GPBP1: variants seen among roughly 807,000 people sequenced by gnomAD.
The protein encoded by GPBP1 is vasculin.
A neutral mutation model predicts 56.5 loss-of-function variants in GPBP1; 13 were observed. The observed-to-expected ratio is 0.23, with a 90% CI of 0.15 to 0.37. The LOEUF is 0.37. GPBP1 is among the 10% of genes least tolerant of loss of function. GPBP1 has a pLI of 1.00. For missense variants in GPBP1, 477 were observed against 572.3 expected (o/e 0.83, Z 1.70); for synonymous variants, 204 against 188.9 (o/e 1.08, Z -0.66).
At chr5:57,190,694 C>CTTTTTTTTTT (rs773540051) in intron 2 of GPBP1, among the ~76,000 whole-genome samples, 1 of 68,852 alleles carries the variant, frequency 1.5e-5, no homozygotes, top group Admixed American at 1.8e-4. Flanking sequence ...TTGCTGTTAG[C>CTTTTTTTTTT]TTTTTTTTTT....
chr5:57,225,508 A>AAACAAAAAAAAAAAAAAAAAAAAAAAAC (rs1554069043), intron 3 of GPBP1, among the ~76,000 whole-genome samples: 1 of 123,630 alleles, frequency 8.1e-6, no homozygotes, highest in Non-Finnish European at 1.7e-5. Context: ...AAAAAAAAAA[A>AAACAAAAAAAAAAAAAAAAAAAAAAAAC]AAACAAACTG....
intron 2 of GPBP1, among the ~76,000 whole-genome samples, chr5:57,181,311 G>C (rs947064993): frequency 2.0e-5 from 3 of 152,050 alleles, no homozygotes; most frequent in Non-Finnish European, 2.9e-5. Flanking sequence ...CTCCAGCCTG[G>C]GTTGCAGAGT....
Position 57,244,981 on chromosome 5 carries a change from C to T in GPBP1, c.479-1319C>T, listed in dbSNP as rs573273832. ...TTGAGCTCCGGACCTCATGGTCTGCCCGCCTCATCTCCCAAAGTGCAGGGA... is the reference window on the plus strand; with the variant it reads ...TTGAGCTCCGGACCTCATGGTCTGCTCGCCTCATCTCCCAAAGTGCAGGGA... On this transcript the variant is annotated intron_variant, in intron 6 of 11. Coordinates refer to ENST00000506184, the MANE Select transcript of GPBP1 (RefSeq NM_022913.4). Among the ~76,000 whole-genome samples, 483 of 152,212 alleles carry T rather than the reference C, an allele frequency of 3.2e-3. 1 individual carries two copies. Among genetic ancestry groups the T allele is most frequent in the Non-Finnish European group, 3.8e-3 (258 of 68,010 alleles).
At chr5:57,197,360 C>CTT (rs34110209) in intron 2 of GPBP1, among the ~76,000 whole-genome samples, 6,025 of 119,764 alleles carry the variant, frequency 0.05, 609 homozygotes, top group African/African-American at 0.16. Context: ...TATCATTTTG[C>CTT]TTTTTTTTTT....
intron 2 of GPBP1, among the ~76,000 whole-genome samples, chr5:57,187,003 AGTGTGTGTGTGTGTGT>A (rs66642664): frequency 4.1e-5 from 6 of 146,674 alleles, no homozygotes; most frequent in Non-Finnish European, 7.6e-5. Context: ...GACTCAGAGA[AGTGTGTGTGTGTGTGT>A]GTGTGTGTGT....
At chr5:57,237,224 T>A in intron 6 of GPBP1, 1 of 1,168,588 alleles carries the variant, frequency 8.6e-7, no homozygotes, top group South Asian at 1.3e-5. Flanking sequence ...TGCATAAGAA[T>A]ATAGAACCAC....
At position 57,263,588 on chromosome 5, in the gene GPBP1, T is replaced by C. The variant is rs1043772794; in HGVS notation, c.*836T>C. ...GAAAATAAACTGGATTTTCAGAATA[T>C]TGTTGTTTTCTGTAGTGTTCAAGGT... is the stretch of plus-strand genomic sequence containing the variant. On this transcript the variant is annotated 3_prime_UTR_variant, in exon 12 of 12. Transcript: ENST00000506184. 4.7e-4 allele frequency: 72 copies of C among 152,154 alleles called. No individual in the cohort carries two copies. Among genetic ancestry groups the C allele is most frequent in the African/African-American group, 1.7e-3 (72 of 41,424 alleles). The allele number at this position is 152,154 out of a possible 1,614,324, so 9.4% of individuals were successfully genotyped here. A position where few individuals can be genotyped will look rare whatever the true frequency, so the allele number is the denominator to read the frequency against.
intron 2 of GPBP1, among the ~76,000 whole-genome samples, chr5:57,196,125 T>C (rs1754739451): frequency 6.6e-6 from 1 of 152,002 alleles, no homozygotes; most frequent in Admixed American, 6.6e-5. Context: ...TTTCTATCTC[T>C]GCCTACCTAC....
chr5:57,184,612 T>C (rs1426183128), intron 2 of GPBP1, among the ~76,000 whole-genome samples: 1 of 152,182 alleles, frequency 6.6e-6, no homozygotes, highest in Non-Finnish European at 1.5e-5. Context: ...CACCTGGCAC[T>C]AGGTGCCGCC....
At chr5:57,256,691 A>G (rs539401886) in intron 10 of GPBP1, among the ~76,000 whole-genome samples, 3 of 152,336 alleles carry the variant, frequency 2.0e-5, no homozygotes, top group South Asian at 2.1e-4. Flanking sequence ...GGATAGTTTT[A>G]TAGAAATGTT....
At chr5:57,207,857 T>G (rs1301984162) in intron 2 of GPBP1, among the ~76,000 whole-genome samples, 1 of 152,166 alleles carries the variant, frequency 6.6e-6, no homozygotes, top group East Asian at 1.9e-4. Context: ...GCCAGCCTGC[T>G]TTCTGTCAGT....
intron 2 of GPBP1, among the ~76,000 whole-genome samples, chr5:57,185,079 G>A (rs753310149): frequency 6.6e-6 from 1 of 152,122 alleles, no homozygotes; most frequent in African/African-American, 2.4e-5. Flanking sequence ...CAAATAAAGT[G>A]AATAGGAACA....
At chr5:57,192,271 ATTAAGTACTTCCTG>A (rs1352209273) in intron 2 of GPBP1, among the ~76,000 whole-genome samples, 2 of 152,148 alleles carry the variant, frequency 1.3e-5, no homozygotes, top group East Asian at 3.9e-4. Flanking sequence ...TCACATTTCT[ATTAAGTACTTCCTG>A]TTAAGTACTT....
chr5:57,179,432 C>T (rs1419802244), intron 2 of GPBP1, among the ~76,000 whole-genome samples: 1 of 152,132 alleles, frequency 6.6e-6, no homozygotes, highest in African/African-American at 2.4e-5. Flanking sequence ...CAGGCAACCT[C>T]GAACTCCTGG....
At chr5:57,202,630 G>T (rs1031684383) in intron 2 of GPBP1, among the ~76,000 whole-genome samples, 3 of 151,982 alleles carry the variant, frequency 2.0e-5, no homozygotes, top group Admixed American at 6.6e-5. Flanking sequence ...TTGAACCCTC[G>T]AAGTGATGAC....
chr5:57,192,018 A>G (rs940076213), intron 2 of GPBP1, among the ~76,000 whole-genome samples: 3 of 152,208 alleles, frequency 2.0e-5, no homozygotes, highest in African/African-American at 7.2e-5. Context: ...TGGTGTTACA[A>G]AGTTTATCTG....
At chr5:57,234,995 T>C (rs967724967) in intron 5 of GPBP1, among the ~76,000 whole-genome samples, 2 of 151,884 alleles carry the variant, frequency 1.3e-5, no homozygotes, top group Non-Finnish European at 1.5e-5. Context: ...TGTGTTGCTA[T>C]AATGAAAAAA....
rs369299957 is a variant in GPBP1, at chr5:57,183,010, A to G, written c.-58+6610A>G. On this transcript the variant is annotated intron_variant, in intron 2 of 11. Transcript: ENST00000506184. ...CTTTAATTCTTAATTCAGTTTTCAAATTATATTTTAAAGCCATATTTCAAT... is the reference window on the plus strand; with the variant it reads ...CTTTAATTCTTAATTCAGTTTTCAAGTTATATTTTAAAGCCATATTTCAAT... Among the ~76,000 whole-genome samples, 47 of 152,234 alleles carry G rather than the reference A, an allele frequency of 3.1e-4. No individual in the cohort carries two copies. In the South Asian group the frequency reaches 8.9e-3, roughly 29 times the overall value.
intron 2 of GPBP1, among the ~76,000 whole-genome samples, chr5:57,180,317 T>C (rs907784700): frequency 1.3e-5 from 2 of 152,122 alleles, no homozygotes; most frequent in African/African-American, 4.8e-5. Flanking sequence ...GGTTTTGTCA[T>C]GTTGGCCAGG....
Sources: gnomAD v4.1 joint callset for allele counts (sites outside exome capture counted in the v4.1 genomes callset) on GRCh38, gnomAD v4.1.1 for gene constraint, MANE v1.5 for transcripts, NCBI Gene and HGNC (gene_info 2026-07-23, HGNC 2026-07-21) for gene names.